Variants in KIAA1549 observed in about 807,000 individuals in gnomAD.
KIAA1549 encodes KIAA1549.
A neutral mutation model predicts 156.4 loss-of-function variants in KIAA1549; 70 were observed. That is an observed-to-expected ratio of 0.45 (90% confidence interval 0.37 to 0.55). The LOEUF (loss-of-function observed/expected upper bound fraction) is 0.55. Ranked by LOEUF, KIAA1549 falls within the 20% of genes least tolerant of loss-of-function variation. KIAA1549 has a pLI of 0.00. For synonymous variants in KIAA1549, 1,103 were observed against 1,066.4 expected, an observed-to-expected ratio of 1.03 and a Z score of -0.67; for missense variants, 2,428 against 2,540.9, an observed-to-expected ratio of 0.96 and a Z score of 0.96.
intron 1 of KIAA1549, among the ~76,000 whole-genome samples, chr7:138,937,439 T>C (rs1813048892): frequency 6.6e-6 from 1 of 152,174 alleles, no homozygotes; most frequent in Non-Finnish European, 1.5e-5. Context: ...CTACCGGTCA[T>C]GTGAGCTAAG....
At chr7:138,884,675 T>C (rs958132201) in intron 10 of KIAA1549, among the ~76,000 whole-genome samples, 1 of 152,268 alleles carries the variant, frequency 6.6e-6, no homozygotes, top group African/African-American at 2.4e-5. Context: ...GACTCTGGTA[T>C]AGCATCACAT....
intron 4 of KIAA1549, among the ~76,000 whole-genome samples, chr7:138,909,951 AAAAAG>A (rs1182984865): frequency 6.6e-6 from 1 of 152,302 alleles, no homozygotes; most frequent in Admixed American, 6.5e-5. Context: ...CAGCTCCAAA[AAAAAG>A]AAAAGAAAAG....
chr7:138,931,752 CAAAAAAAAA>C (rs71169066), intron 1 of KIAA1549, among the ~76,000 whole-genome samples: 6,498 of 101,488 alleles, frequency 0.064, 213 homozygotes, highest in African/African-American at 0.087. Flanking sequence ...AGTCCCATCT[CAAAAAAAAA>C]AAAAAAAAAA....
At chr7:138,945,975 G>A (rs894898864) in intron 1 of KIAA1549, among the ~76,000 whole-genome samples, 1 of 152,070 alleles carries the variant, frequency 6.6e-6, no homozygotes, top group African/African-American at 2.4e-5. Flanking sequence ...TTGAAAAGCA[G>A]TATGTTCAAG....
intron 1 of KIAA1549, among the ~76,000 whole-genome samples, chr7:138,960,695 C>G (rs1324591231): frequency 6.6e-6 from 1 of 152,164 alleles, no homozygotes; most frequent in Non-Finnish European, 1.5e-5. Context: ...CAGGCTGGAG[C>G]CCAGGCTGCC....
intron 1 of KIAA1549, among the ~76,000 whole-genome samples, chr7:138,948,866 C>A (rs923883033): frequency 6.6e-6 from 1 of 151,848 alleles, no homozygotes; most frequent in Non-Finnish European, 1.5e-5. Flanking sequence ...CCATGCCTGG[C>A]TAATTTTTTG....
At chr7:138,846,749 G>GA in intron 17 of KIAA1549, among the ~76,000 whole-genome samples, 1 of 152,134 alleles carries the variant, frequency 6.6e-6, no homozygotes, top group South Asian at 2.1e-4. Flanking sequence ...CCACTCTTCT[G>GA]AAGAAATTCA....
At chr7:138,951,505 A>G (rs1018734098) in intron 1 of KIAA1549, among the ~76,000 whole-genome samples, 4 of 152,164 alleles carry the variant, frequency 2.6e-5, no homozygotes, top group African/African-American at 9.7e-5. Context: ...CTGCTTACAC[A>G]GGCTGGCCCT....
At chr7:138,883,254 A>G (rs1315238398) in intron 10 of KIAA1549, among the ~76,000 whole-genome samples, 1 of 149,116 alleles carries the variant, frequency 6.7e-6, no homozygotes, top group Non-Finnish European at 1.5e-5. Context: ...GCCCAGGTGA[A>G]AGAGTAAGAC....
At chr7:138,935,399 T>C (rs534458659) in intron 1 of KIAA1549, among the ~76,000 whole-genome samples, 94 of 152,306 alleles carry the variant, frequency 6.2e-4, no homozygotes, top group African/African-American at 2.2e-3. Context: ...GCAATCCTCT[T>C]TCACCAACCT....
intron 1 of KIAA1549, among the ~76,000 whole-genome samples, chr7:138,978,662 G>A (rs1814452734): frequency 6.6e-6 from 1 of 152,216 alleles, no homozygotes; most frequent in African/African-American, 2.4e-5. Flanking sequence ...GACAGCCACG[G>A]AAGGGAATGC....
Position 138,955,866 on chromosome 7 carries a change from A to C in KIAA1549, c.187+25217T>G, listed in dbSNP as rs376719712. 4.1e-4 allele frequency among the ~76,000 whole-genome samples: 62 copies of C among 152,308 alleles called. No homozygotes were observed. In the East Asian group the frequency reaches 9.3e-3, roughly 23 times the overall value. On this transcript the variant is annotated intron_variant, in intron 1 of 19. Transcript: ENST00000422774. ...CCCAACAGAGAGGGAATCAACATGC[A>C]GGGAACTGAGGCACTGACGGTTGTT...
intron 1 of KIAA1549, among the ~76,000 whole-genome samples, chr7:138,924,183 T>TTTTTTTTTTTC (rs1812644417): frequency 5.0e-5 from 5 of 99,240 alleles, no homozygotes; most frequent in Admixed American, 8.9e-5. Context: ...TTTTCTTTTC[T>TTTTTTTTTTTC]TTTTTTTTTT....
intron 15 of KIAA1549, among the ~76,000 whole-genome samples, chr7:138,867,697 C>T (rs940567798): frequency 4.6e-5 from 7 of 152,184 alleles, no homozygotes; most frequent in African/African-American, 7.2e-5. Flanking sequence ...TCTGAGAGAA[C>T]GGGGCTTACG....
chr7:138,908,830 G>A (rs1262161301), intron 5 of KIAA1549, among the ~76,000 whole-genome samples, 161 bp downstream of exon 5: 3 of 152,124 alleles, frequency 2.0e-5, no homozygotes, highest in Non-Finnish European at 2.9e-5. Context: ...GCCTGTGCAC[G>A]CTATGCCGAC....
chr7:138,883,089 T>TAAAAAAAAAAAAAAAAAAA lies in KIAA1549; in HGVS notation c.4033-1524_4033-1506dup, dbSNP rs1201752539. 8.5e-5 allele frequency among the ~76,000 whole-genome samples: 4 copies of TAAAAAAAAAAAAAAAAAAA among 47,064 alleles called. 2 individuals carry two copies. The highest frequency in any genetic ancestry group is 3.5e-4 in the African/African-American group (4 of 11,540). The allele number at this position is 47,064 out of a possible 152,430, so 30.9% of individuals were successfully genotyped here. A position where few individuals can be genotyped will look rare whatever the true frequency, so the allele number is the denominator to read the frequency against. ...CAACATGGTGAAACCCCATCTCCCCTAAAAAAAAAAAAAAAAAAAAAAAAA... is the reference window on the plus strand; with the variant it reads ...CAACATGGTGAAACCCCATCTCCCCTAAAAAAAAAAAAAAAAAAAAAAAAAAAAAAAAAAAAAAAAAAAA... On this transcript the variant is annotated intron_variant, in intron 10 of 19. Transcript: ENST00000422774.
intron 1 of KIAA1549, among the ~76,000 whole-genome samples, chr7:138,965,492 C>T (rs1433215961): frequency 1.3e-5 from 2 of 152,230 alleles, no homozygotes; most frequent in South Asian, 2.1e-4. Flanking sequence ...CGCCCGGCAA[C>T]GTTTTCTTAT....
chr7:138,978,930 C>T (rs777894300), intron 1 of KIAA1549, among the ~76,000 whole-genome samples: 2 of 152,232 alleles, frequency 1.3e-5, no homozygotes, highest in African/African-American at 4.8e-5. Context: ...CACCCTCCAC[C>T]AAGATCGTTC....
intron 14 of KIAA1549, 123 bp from the exon 15 acceptor site, chr7:138,868,251 A>G: frequency 1.1e-6 from 1 of 886,182 alleles, no homozygotes; most frequent in Non-Finnish European, 1.7e-6. Context: ...CCCATAGGAT[A>G]TAAACGCCAT....
Sources: allele counts gnomAD v4.1 joint callset (sites outside exome capture counted in the v4.1 genomes callset), GRCh38; gene constraint gnomAD v4.1.1; transcripts MANE v1.5; gene names NCBI Gene and HGNC (gene_info 2026-07-23, HGNC 2026-07-21).